The following VWA5B1 variants were observed in gnomAD, a reference collection of about 807,000 sequenced individuals.
The protein encoded by VWA5B1 is von Willebrand factor A domain-containing protein 5B1.
Under a neutral mutation model 118.2 loss-of-function variants are expected in VWA5B1, and 115 were observed. The observed-to-expected ratio is 0.97, with a 90% CI of 0.84 to 1.14. VWA5B1 has a LOEUF of 1.14. Among genes scored for constraint, VWA5B1 ranks in the 50% most tolerant of loss-of-function variants. VWA5B1 has a pLI of 0.00. For synonymous variants in VWA5B1, 682 were observed against 658.4 expected (o/e 1.04, Z -0.55); for missense variants, 1,596 against 1,603.8 (o/e 1.00, Z 0.08).
At chr1:20,328,356 T>C (rs1194204003) in intron 9 of VWA5B1, among the ~76,000 whole-genome samples, 14 of 152,034 alleles carry the variant, frequency 9.2e-5, no homozygotes, top group Admixed American at 9.2e-4. Flanking sequence ...GCATGCAAGG[T>C]TGAGCTAAGG....
intron 9 of VWA5B1, among the ~76,000 whole-genome samples, chr1:20,329,396 C>T (rs914589676): frequency 6.8e-6 from 1 of 146,344 alleles, no homozygotes; most frequent in South Asian, 2.1e-4. Context: ...GCAACCTCTG[C>T]CTCTCAGGTT....
At chr1:20,305,711 G>T (rs575420478) in intron 1 of VWA5B1, among the ~76,000 whole-genome samples, 1 of 152,140 alleles carries the variant, frequency 6.6e-6, no homozygotes, top group East Asian at 1.9e-4. Context: ...CAGAATTACA[G>T]AGCTTCCCCC....
intron 12 of VWA5B1, among the ~76,000 whole-genome samples, chr1:20,334,672 G>A (rs754020809): frequency 7.9e-5 from 12 of 152,084 alleles, no homozygotes; most frequent in Non-Finnish European, 1.2e-4. Context: ...TTAGCCAGGC[G>A]TGGCGTCAGT....
At chr1:20,312,481 A>G (rs974963761) in intron 2 of VWA5B1, among the ~76,000 whole-genome samples, 5 of 152,216 alleles carry the variant, frequency 3.3e-5, no homozygotes, top group Admixed American at 3.3e-4. Flanking sequence ...CCAATCTTCC[A>G]TGCCACAGGT....
intron 4 of VWA5B1, 136 bp downstream of exon 4, chr1:20,314,728 G>A: frequency 7.0e-7 from 1 of 1,428,856 alleles, no homozygotes; most frequent in Non-Finnish European, 9.3e-7. Context: ...GCCACCCTCT[G>A]AGCCATTTGC....
intron 1 of VWA5B1, among the ~76,000 whole-genome samples, chr1:20,300,306 C>T (rs1289301467): frequency 1.3e-5 from 2 of 152,180 alleles, no homozygotes; most frequent in African/African-American, 4.8e-5. Context: ...GAGTATACAT[C>T]TTCAGTCCTG....
At chr1:20,336,174 G>A in intron 12 of VWA5B1, 129 bp from the exon 13 acceptor site, 4 of 775,448 alleles carry the variant, frequency 5.2e-6, no homozygotes, top group Non-Finnish European at 7.2e-6. Flanking sequence ...CAAACACAAA[G>A]CTTTCCTGTT....
intron 14 of VWA5B1, 177 bp downstream of exon 14, chr1:20,338,013 C>G (rs1318041923): frequency 1.3e-6 from 1 of 799,154 alleles, no homozygotes; most frequent in African/African-American, 1.7e-5. Context: ...CCTTCCAAAT[C>G]AGGACACCCA....
intron 1 of VWA5B1, among the ~76,000 whole-genome samples, 189 bp from the exon 2 acceptor site, chr1:20,310,387 G>C (rs1022840013): frequency 6.6e-6 from 1 of 152,152 alleles, no homozygotes; most frequent in Non-Finnish European, 1.5e-5. Flanking sequence ...GGAAGAGAAC[G>C]GCCACTTCTC....
At chr1:20,340,283 T>G (rs1359983067) in intron 14 of VWA5B1, among the ~76,000 whole-genome samples, 1 of 152,146 alleles carries the variant, frequency 6.6e-6, no homozygotes, top group Non-Finnish European at 1.5e-5. Flanking sequence ...CATGGAAACG[T>G]TACCAGCTTC....
rs2088895390 is a variant in VWA5B1, at chr1:20,312,965, A to G, written c.269A>G (p.His90Arg). The G allele has an allele frequency of 1.3e-6, 2 of 1,551,594 alleles. No homozygotes were observed. The highest frequency in any genetic ancestry group is 1.4e-5 in the African/African-American group (1 of 73,168). The change falls in exon 3 of 22, where the codon CAT becomes CGT. Residue 90 changes from histidine to arginine, a missense_variant. His to Arg is a conservative substitution (Grantham distance 29). Coordinates refer to ENST00000289815, the MANE Select transcript of VWA5B1 (RefSeq NM_001039500.3). The stretch of plus-strand genomic sequence containing the variant: ...GAGAGCGGCCACTTCGATGCCTCCC[A>G]TGTTCGATCCCCAACAGTCACAGGT... Reference protein sequence around the residue: ...KLESGHFDASHVRSPTVTGNI... With the variant: ...KLESGHFDASRVRSPTVTGNI...
intron 7 of VWA5B1, among the ~76,000 whole-genome samples, chr1:20,320,124 T>A (rs1324247049): frequency 6.6e-6 from 1 of 152,118 alleles, no homozygotes; most frequent in Non-Finnish European, 1.5e-5. Context: ...CTGAGCCAGG[T>A]CCTGAATGCC....
intron 7 of VWA5B1, among the ~76,000 whole-genome samples, chr1:20,319,984 C>A (rs10916763): frequency 2.6e-5 from 4 of 152,108 alleles, no homozygotes; most frequent in African/African-American, 9.7e-5. Flanking sequence ...CTTCTGCTGT[C>A]CCCCACCCCA....
At chr1:20,298,135 C>A (rs2088441840) in intron 1 of VWA5B1, among the ~76,000 whole-genome samples, 1 of 151,712 alleles carries the variant, frequency 6.6e-6, no homozygotes, top group Non-Finnish European at 1.5e-5. Context: ...CTCAGCCTCC[C>A]AAGAAGCTGG....
In VWA5B1 at chr1:20,355,652, C is replaced by A. The variant is rs746884740; in HGVS notation, c.*1389C>A. On this transcript the variant is annotated 3_prime_UTR_variant, in exon 22 of 22. Coordinates refer to ENST00000289815, the MANE Select transcript of VWA5B1 (RefSeq NM_001039500.3). ...TATCAAACCAACTCGTGGGGTCCTGCGGGCTCTGGCGCAAGCCCCGGCCTC... is the reference window on the plus strand; with the variant it reads ...TATCAAACCAACTCGTGGGGTCCTGAGGGCTCTGGCGCAAGCCCCGGCCTC... 6.6e-6 allele frequency among the ~76,000 whole-genome samples: 1 copy of A among 152,230 alleles called. No homozygotes were observed. Among genetic ancestry groups the A allele is most frequent in the African/African-American group, 2.4e-5 (1 of 41,470 alleles).
intron 4 of VWA5B1, among the ~76,000 whole-genome samples, chr1:20,317,155 C>CAAAA (rs367872784): frequency 7.1e-5 from 5 of 70,506 alleles, no homozygotes; most frequent in Non-Finnish European, 1.4e-4. Context: ...GACTGCATCT[C>CAAAA]AAAAAAAAAA....
chr1:20,330,839 A>T, intron 10 of VWA5B1, 30 bp from the exon 11 acceptor site: 1 of 1,538,854 alleles, frequency 6.5e-7, no homozygotes, highest in Non-Finnish European at 8.8e-7. Context: ...AGGATAAGAC[A>T]TAGCAGCCTC....
At position 20,327,878 on chromosome 1, in the gene VWA5B1, C is replaced by G. The variant is rs2089435367; in HGVS notation, c.1144-12C>G. On this transcript the variant is annotated splice_polypyrimidine_tract_variant and intron_variant, in intron 8 of 21. Coordinates refer to ENST00000289815, the MANE Select transcript of VWA5B1 (RefSeq NM_001039500.3). ...CTTCCTGAATCCTGAAAACCCCTTT[C>G]TCTCCTGCCAGGATGCCATGTTGGT... 6.5e-7 allele frequency: 1 copy of G among 1,550,338 alleles called. No individual in the cohort carries two copies. The highest frequency in any genetic ancestry group is 2.0e-5 in the Admixed American group (1 of 50,966).
chr1:20,331,077 AC>A, intron 11 of VWA5B1, 94 bp downstream of exon 11: 1 of 1,074,604 alleles, frequency 9.3e-7, no homozygotes, highest in Non-Finnish European at 1.3e-6. Context: ...CTGGGATGAC[AC>A]CCCAAATCTG....
Sources: gnomAD v4.1 joint callset for allele counts (sites outside exome capture counted in the v4.1 genomes callset) on GRCh38, gnomAD v4.1.1 for gene constraint, MANE v1.5 for transcripts, NCBI Gene and HGNC (gene_info 2026-07-23, HGNC 2026-07-21) for gene names.